The following DOCK4 variants were observed in gnomAD, a reference collection of about 807,000 sequenced individuals.
DOCK4 encodes dedicator of cytokinesis 4, also known as dedicator of cytokinesis protein 4.
DOCK4 carries 97 observed loss-of-function variants against 268.1 expected under a neutral mutation model. That is an observed-to-expected ratio of 0.36 (90% CI 0.31 to 0.43). The LOEUF is 0.43. Ranked by LOEUF, DOCK4 falls within the 20% of genes least tolerant of loss-of-function variation. The pLI is 1.00. For synonymous variants in DOCK4, 954 were observed against 887.2 expected (o/e 1.08, Z -1.34); for missense variants, 2,145 against 2,455.7 (o/e 0.87, Z 2.67).
At position 111,872,491 on chromosome 7, in the gene DOCK4, T is replaced by C. The variant is rs763019609; in HGVS notation, c.1818A>G (p.Glu606=). ...CCTTTACTATCTCTGAGCCATCAATTTCTTTTAATTTAGAGAGACAGCCAG... is the reference window on the plus strand; with the variant it reads ...CCTTTACTATCTCTGAGCCATCAATCTCTTTTAATTTAGAGAGACAGCCAG... The part of the protein sequence containing the change: ...KITGCLSKLK[E]IDGSEIVKFL... Residue 606 remains glutamate (E), a synonymous_variant, in exon 18 of 53, where the codon GAA becomes GAG. Transcript: ENST00000428084. 2 of 1,600,284 alleles carry C rather than the reference T, an allele frequency of 1.2e-6. No homozygotes were observed.
Position 111,926,287 on chromosome 7 carries a change from G to T in DOCK4, c.1066+9253C>A, listed in dbSNP as rs115779052. On this transcript the variant is annotated intron_variant, in intron 12 of 52. Coordinates refer to ENST00000428084, the MANE Select transcript of DOCK4 (RefSeq NM_001363540.2). ...CAATGAATAAATAAATAAATAAGCC[G>T]AGCATGGTGGCGCGCCGCCTGTAGT... Among the ~76,000 whole-genome samples, 297 of 127,334 alleles carry T rather than the reference G, an allele frequency of 2.3e-3. 8 individuals are homozygous for T. Among genetic ancestry groups the T allele is most frequent in the African/African-American group, 7.1e-3 (233 of 32,604 alleles). 83.5% of individuals were successfully genotyped at this position (127,334 alleles called of 152,430 possible). A position where few individuals can be genotyped will look rare whatever the true frequency, so the allele number is the denominator to read the frequency against.
chr7:111,910,694 A>C (rs192749096), intron 13 of DOCK4, among the ~76,000 whole-genome samples: 305 of 152,300 alleles, frequency 2.0e-3, no homozygotes, highest in Admixed American at 4.1e-3. Flanking sequence ...TGATTAAAAT[A>C]ATTTGCTGCT....
At chr7:111,901,104 C>T (rs934440683) in intron 14 of DOCK4, among the ~76,000 whole-genome samples, 2 of 152,066 alleles carry the variant, frequency 1.3e-5, no homozygotes, top group Non-Finnish European at 2.9e-5. Flanking sequence ...GAAGCCAAGG[C>T]AGGAGGATCA....
chr7:112,156,046 C>G (rs1251264694), intron 1 of DOCK4, among the ~76,000 whole-genome samples: 1 of 152,188 alleles, frequency 6.6e-6, no homozygotes, highest in African/African-American at 2.4e-5. Flanking sequence ...TCACAGGGCT[C>G]GCAGACCTCG....
At chr7:111,828,906 A>G (rs367755852) in intron 26 of DOCK4, among the ~76,000 whole-genome samples, 2 of 145,280 alleles carry the variant, frequency 1.4e-5, no homozygotes, top group Non-Finnish European at 3.0e-5. Context: ...ATATATATAT[A>G]TGTATATATA....
At chr7:111,809,498 G>C in intron 28 of DOCK4, 97 bp from the exon 29 acceptor site, 1 of 1,023,938 alleles carries the variant, frequency 9.8e-7, no homozygotes, top group Non-Finnish European at 1.5e-6. Context: ...AAGTGGTTGA[G>C]GGTATAGTTG....
chr7:111,939,130 C>T (rs547718944), intron 11 of DOCK4, among the ~76,000 whole-genome samples: 39 of 152,136 alleles, frequency 2.6e-4, no homozygotes, highest in African/African-American at 8.4e-4. Context: ...GAGAGAGGCA[C>T]GGAGCAGATT....
chr7:112,180,207 G>C (rs1818901064), intron 1 of DOCK4, among the ~76,000 whole-genome samples: 1 of 152,068 alleles, frequency 6.6e-6, no homozygotes, highest in Non-Finnish European at 1.5e-5. Context: ...GGCAGAACCA[G>C]ACAAGGAAGG....
chr7:111,813,025 A>G (rs1046504517), intron 27 of DOCK4, among the ~76,000 whole-genome samples: 2 of 152,368 alleles, frequency 1.3e-5, no homozygotes, highest in South Asian at 4.1e-4. Flanking sequence ...GGAGATAAAT[A>G]TTTAAAGTTG....
intron 1 of DOCK4, among the ~76,000 whole-genome samples, chr7:112,099,182 C>T (rs541697553): frequency 2.0e-5 from 3 of 151,332 alleles, no homozygotes; most frequent in Non-Finnish European, 4.4e-5. Context: ...GTCCCAACTA[C>T]TTGGGAGGCT....
chr7:112,177,438 G>T (rs959365870), intron 1 of DOCK4, among the ~76,000 whole-genome samples: 2 of 152,226 alleles, frequency 1.3e-5, no homozygotes, highest in African/African-American at 4.8e-5. Flanking sequence ...GGTAGCTGTT[G>T]TTAAAATATC....
At chr7:111,986,563 G>T (rs988711395) in intron 6 of DOCK4, among the ~76,000 whole-genome samples, 1 of 152,260 alleles carries the variant, frequency 6.6e-6, no homozygotes, top group African/African-American at 2.4e-5. Context: ...GATGAGAGGA[G>T]ATCACACAGG....
intron 16 of DOCK4, among the ~76,000 whole-genome samples, chr7:111,877,488 G>C (rs1807001697): frequency 6.6e-6 from 1 of 152,030 alleles, no homozygotes; most frequent in African/African-American, 2.4e-5. Context: ...TCATTGTGTT[G>C]TCATAAGAAT....
At chr7:111,787,070 G>A (rs1799221910) in intron 32 of DOCK4, among the ~76,000 whole-genome samples, 1 of 152,176 alleles carries the variant, frequency 6.6e-6, no homozygotes, top group South Asian at 2.1e-4. Context: ...TGATTCTCAT[G>A]TCGAGGTACA....
intron 17 of DOCK4, among the ~76,000 whole-genome samples, chr7:111,873,967 C>T (rs1399122656): frequency 1.3e-5 from 2 of 152,186 alleles, no homozygotes; most frequent in African/African-American, 4.8e-5. Flanking sequence ...GTAATTCAGA[C>T]ATCCTGGGGT....
intron 30 of DOCK4, chr7:111,807,987 T>C (rs1419379462): frequency 6.6e-6 from 1 of 152,112 alleles, no homozygotes; most frequent in Non-Finnish European, 1.5e-5. Flanking sequence ...TCTATTTTCA[T>C]TCACAGAAAA....
At chr7:111,936,888 A>G (rs778251933) in intron 11 of DOCK4, among the ~76,000 whole-genome samples, 13 of 152,192 alleles carry the variant, frequency 8.5e-5, no homozygotes, top group Admixed American at 2.6e-4. Context: ...TAACAGTGGG[A>G]TATCTAAATG....
chr7:112,081,159 G>A (rs755375017), intron 1 of DOCK4, among the ~76,000 whole-genome samples: 40 of 152,142 alleles, frequency 2.6e-4, no homozygotes, highest in Admixed American at 3.3e-4. Context: ...AAAAAGAATC[G>A]AAACAGGAAG....
At chr7:111,840,653 A>G (rs1803607202) in intron 25 of DOCK4, 1 of 264,132 alleles carries the variant, frequency 3.8e-6, no homozygotes, top group Middle Eastern at 1.0e-3. Flanking sequence ...ATGATACAGC[A>G]GACGCCAGTG....
Sources: gnomAD v4.1 joint callset for allele counts (sites outside exome capture counted in the v4.1 genomes callset) on GRCh38, gnomAD v4.1.1 for gene constraint, MANE v1.5 for transcripts, NCBI Gene and HGNC (gene_info 2026-07-23, HGNC 2026-07-21) for gene names.